COLEC10: variants seen among roughly 807,000 people sequenced by gnomAD.
COLEC10 encodes collectin subfamily member 10, also known as collectin-10.
Under a neutral mutation model 28.4 loss-of-function variants are expected in COLEC10, and 22 were observed. That is an observed-to-expected ratio of 0.78 (90% CI 0.55 to 1.11). The LOEUF is 1.11. Among genes scored for constraint, COLEC10 ranks in the 50% least tolerant of loss-of-function variants. The pLI, the probability that COLEC10 is intolerant of heterozygous loss-of-function variation, is 0.00. For synonymous variants in COLEC10, 125 were observed against 116.1 expected, an observed-to-expected ratio of 1.08 and a Z score of -0.49; for missense variants, 361 against 344.1, an observed-to-expected ratio of 1.05 and a Z score of -0.39.
chr8:119,012,765 G>A (rs4546691), intron 2 of COLEC10, among the ~76,000 whole-genome samples: 92,990 of 149,880 alleles, frequency 0.62, 30,293 homozygotes, highest in East Asian at 0.78. Context: ...ACAAATTTTT[G>A]TAGTATTATT....
chr8:119,083,347 C>T (rs1221066723), intron 1 of COLEC10, among the ~76,000 whole-genome samples: 1 of 152,130 alleles, frequency 6.6e-6, no homozygotes, highest in East Asian at 1.9e-4. Context: ...TTTGAAAGTT[C>T]TAAATAAAAT....
chr8:119,105,368 C>T (rs367849270), intron 5 of COLEC10, among the ~76,000 whole-genome samples: 47 of 152,164 alleles, frequency 3.1e-4, no homozygotes, highest in African/African-American at 1.1e-3. Flanking sequence ...AAAATATTTC[C>T]ACTGAGATCT....
chr8:119,005,447 G>A (rs1417388493), intron 1 of COLEC10, among the ~76,000 whole-genome samples: 4 of 152,064 alleles, frequency 2.6e-5, no homozygotes, highest in African/African-American at 7.2e-5. Flanking sequence ...CATGGTGCAC[G>A]CTGAGGAAGC....
At chr8:119,013,903 C>T (rs1813944408) in intron 2 of COLEC10, among the ~76,000 whole-genome samples, 1 of 150,602 alleles carries the variant, frequency 6.6e-6, no homozygotes, top group Non-Finnish European at 1.5e-5. Context: ...TAATCCAAGC[C>T]CATTTTAAAG....
chr8:119,087,433 C>T (rs931322053), intron 1 of COLEC10, among the ~76,000 whole-genome samples: 2 of 152,102 alleles, frequency 1.3e-5, no homozygotes, highest in African/African-American at 4.8e-5. Context: ...CTTTGCTAAA[C>T]ACCCTCTGGA....
chr8:119,064,304 G>A (rs1427629199), upstream of COLEC10, among the ~76,000 whole-genome samples: 1 of 152,126 alleles, frequency 6.6e-6, no homozygotes, highest in Admixed American at 6.5e-5. Context: ...GTAAAAAAAG[G>A]AGGGGGGCAG....
chr8:119,073,696 G>C (rs1274813818), intron 1 of COLEC10, among the ~76,000 whole-genome samples: 1 of 151,980 alleles, frequency 6.6e-6, no homozygotes, highest in Non-Finnish European at 1.5e-5. Flanking sequence ...GTCAATAAAA[G>C]TGTAGGTAAA....
At chr8:118,966,381 C>G in the COLEC10 span, among the ~76,000 whole-genome samples, 1 of 152,002 alleles carries the variant, frequency 6.6e-6, no homozygotes, top group Non-Finnish European at 1.5e-5. Flanking sequence ...AAGTTTTTTT[C>G]CTACTGTAAC....
At chr8:118,987,067 A>G in the COLEC10 span, among the ~76,000 whole-genome samples, 3 of 152,204 alleles carry the variant, frequency 2.0e-5, no homozygotes. Context: ...AGAAAAAGCA[A>G]CAGGGGAAGA....
chr8:119,102,443 C>T (rs1815855865), intron 4 of COLEC10, 42 bp downstream of exon 4: 3 of 1,497,340 alleles, frequency 2.0e-6, no homozygotes, highest in African/African-American at 1.4e-5. Flanking sequence ...TAGCATGATT[C>T]CAAGTTTATT....
chr8:119,019,923 A>G (rs1814063177), intron 2 of COLEC10, among the ~76,000 whole-genome samples: 1 of 152,224 alleles, frequency 6.6e-6, no homozygotes, highest in South Asian at 2.1e-4. Flanking sequence ...ACAAGAATTT[A>G]CTTTTGAAGA....
At chr8:118,992,830 T>A (rs956886185), upstream of COLEC10, among the ~76,000 whole-genome samples, 62 of 152,312 alleles carry the variant, frequency 4.1e-4, no homozygotes, top group African/African-American at 1.5e-3. Context: ...ATATACATAA[T>A]ATTAAGCTTT....
At position 119,106,689 on chromosome 8, in the gene COLEC10, C is replaced by T. The variant is rs1027279428; in HGVS notation, c.*498C>T. On this transcript the variant is annotated 3_prime_UTR_variant, in exon 6 of 6. Coordinates refer to ENST00000332843, the MANE Select transcript of COLEC10 (RefSeq NM_006438.5). The stretch of plus-strand genomic sequence containing the variant: ...GCCCAGATCTTTTACCAGTCACACC[C>T]TATGGCCATGGCTATACTTGGAAGT... 1 of 156,222 alleles carries T rather than the reference C, an allele frequency of 6.4e-6. No individual in the cohort carries two copies. The highest frequency in any genetic ancestry group is 1.4e-5 in the Non-Finnish European group (1 of 70,308). The allele number at this position is 156,222 out of a possible 1,614,324, so 9.7% of individuals were successfully genotyped here.
intron 1 of COLEC10, among the ~76,000 whole-genome samples, chr8:119,080,376 T>C (rs189312286): frequency 1.3e-5 from 2 of 152,346 alleles, no homozygotes; most frequent in Non-Finnish European, 2.9e-5. Context: ...AGAATATCTG[T>C]TCTTATCACA....
chr8:118,979,708 C>G, the COLEC10 span, among the ~76,000 whole-genome samples: 9 of 151,978 alleles, frequency 5.9e-5, no homozygotes, highest in South Asian at 4.1e-4. Flanking sequence ...TTGTTCATGT[C>G]TATATAAATA....
chr8:118,975,672 A>G, the COLEC10 span, among the ~76,000 whole-genome samples: 3 of 151,902 alleles, frequency 2.0e-5, no homozygotes, highest in African/African-American at 7.2e-5. Flanking sequence ...CCTTCTCTCT[A>G]TTAGAGGAGA....
chr8:119,088,746 T>C (rs769653598), intron 1 of COLEC10, among the ~76,000 whole-genome samples: 2 of 152,176 alleles, frequency 1.3e-5, no homozygotes, highest in African/African-American at 2.4e-5. Context: ...CGAAAACAAC[T>C]GAGTGAGGCC....
chr8:119,090,790 AG>A (rs1815575490), intron 2 of COLEC10, among the ~76,000 whole-genome samples: 1 of 152,166 alleles, frequency 6.6e-6, no homozygotes, highest in Non-Finnish European at 1.5e-5. Flanking sequence ...GAATTCCAGA[AG>A]GAAGACAAAA....
chr8:119,032,234 G>C (rs555751554), intron 2 of COLEC10, among the ~76,000 whole-genome samples: 1 of 152,332 alleles, frequency 6.6e-6, no homozygotes, highest in Non-Finnish European at 1.5e-5. Flanking sequence ...TATAAGTTGA[G>C]GGGTGGGTTG....
Sources: gnomAD v4.1 joint callset for allele counts (sites outside exome capture counted in the v4.1 genomes callset) on GRCh38, gnomAD v4.1.1 for gene constraint, MANE v1.5 for transcripts, NCBI Gene and HGNC (gene_info 2026-07-23, HGNC 2026-07-21) for gene names.